FBXL19: variants seen among roughly 807,000 people sequenced by gnomAD.
FBXL19 encodes F-box and leucine rich repeat protein 19, also known as F-box/LRR-repeat protein 19.
FBXL19 carries 16 observed loss-of-function variants against 71.2 expected under a neutral mutation model. That is an observed-to-expected ratio of 0.22 (90% confidence interval 0.15 to 0.34). The LOEUF is 0.34. Ranked by LOEUF, FBXL19 falls within the 10% of genes least tolerant of loss-of-function variation. The pLI is 1.00. For synonymous variants in FBXL19, 447 were observed against 409.4 expected, an observed-to-expected ratio of 1.09 and a Z score of -1.11; for missense variants, 658 against 968.2, an observed-to-expected ratio of 0.68 and a Z score of 4.25.
Position 30,930,028 on chromosome 16 carries a change from A to G in FBXL19, c.790-45A>G, listed in dbSNP as rs1332028982. 6.4e-7 allele frequency: 1 copy of G among 1,572,984 alleles called. No homozygotes were observed. Among genetic ancestry groups the G allele is most frequent in the Admixed American group, 1.8e-5 (1 of 56,888 alleles). On this transcript the variant is annotated intron_variant, in intron 6 of 10. Coordinates refer to ENST00000338343, the MANE Select transcript of FBXL19 (RefSeq NM_001382779.1). This position sits in a 1 kb window ranked among gnomAD's most constrained non-coding sequence, Gnocchi z 8.5. ...CTCCTCGGGGTAGGGGGGTGGGAAA[A>G]TGTATCCCAGGCCCTAGAACAGCAT...
Position 30,946,124 on chromosome 16 carries a change from C to T in FBXL19, c.1628-606C>T, listed in dbSNP as rs1328835317. Among the ~76,000 whole-genome samples the T allele has an allele frequency of 6.6e-6, 1 of 152,102 alleles. No individual in the cohort carries two copies. On this transcript the variant is annotated intron_variant, in intron 9 of 10. Transcript: ENST00000338343. The surrounding 1 kb of genome is among the most constrained non-coding windows in gnomAD (Gnocchi z 6.7). ...GGGGAAGCCTCACGTAGCTTTTACT[C>T]TTGATGGAACGTGAAGGAATCGGCA...
Position 30,947,237 on chromosome 16 carries a change from GC to G in FBXL19, c.*13del, listed in dbSNP as rs756410790. Reference sequence around the variant, plus strand: ...GCTTCTCAAGGACAGCTAGTTGGGCGCCCCCCACCCTCCCCCGGACTCGACA... The same window carrying G: ...GCTTCTCAAGGACAGCTAGTTGGGCGCCCCCACCCTCCCCCGGACTCGACA... On this transcript the variant is annotated 3_prime_UTR_variant, in exon 11 of 11. Transcript: ENST00000338343. The G allele has an allele frequency of 1.1e-5, 17 of 1,568,442 alleles. No individual in the cohort carries two copies. The Admixed American group carries it at 1.7e-4, about 16-fold the overall frequency.
chr16:30,928,717 C>T (rs1431025049), intron 6 of FBXL19, 89 bp downstream of exon 6: 2 of 999,592 alleles, frequency 2.0e-6, no homozygotes, highest in South Asian at 2.2e-5. Context: ...TCCTGCTCAC[C>T]TTGTTCTGCC....
At chr16:30,940,033 G>C (rs756117703) in intron 7 of FBXL19, among the ~76,000 whole-genome samples, 1 of 152,118 alleles carries the variant, frequency 6.6e-6, no homozygotes, top group Admixed American at 6.6e-5. Context: ...AAAGTGGGCA[G>C]ATCACCTGAG....
rs1344867968 is a variant in FBXL19 at position 30,942,362 on chromosome 16, C to T, written c.1466-13C>T. On this transcript the variant is annotated splice_polypyrimidine_tract_variant and intron_variant, in intron 8 of 10. Coordinates refer to ENST00000338343, the MANE Select transcript of FBXL19 (RefSeq NM_001382779.1). The surrounding 1 kb of genome is among the most constrained non-coding windows in gnomAD (Gnocchi z 5.7). ...CTCACAGCACCTGCTTCCTGACTGC[C>T]CCCTCTCCGCAGGCCTGCAGGAGCT... is the stretch of plus-strand genomic sequence containing the variant. The T allele has an allele frequency of 1.9e-6, 3 of 1,607,258 alleles. No homozygotes were observed. In the African/African-American group the frequency reaches 4.0e-5, roughly 21 times the overall value.
At chr16:30,936,100 T>C (rs1340094816) in intron 7 of FBXL19, among the ~76,000 whole-genome samples, 2 of 152,198 alleles carry the variant, frequency 1.3e-5, no homozygotes, top group Non-Finnish European at 2.9e-5. Flanking sequence ...GGAAGCGCTG[T>C]TCTTCACCCC....
chr16:30,947,820 G>T lies in FBXL19; in HGVS notation c.*590G>T, dbSNP rs1414122670. The T allele has an allele frequency of 2.2e-5, 10 of 446,182 alleles. No homozygotes were observed. The East Asian group carries it at 2.9e-4, about 13-fold the overall frequency. 27.6% of individuals were successfully genotyped at this position (446,182 alleles called of 1,614,324 possible). On this transcript the variant is annotated 3_prime_UTR_variant, in exon 11 of 11. Transcript: ENST00000338343. ...TGGGGACAGCAATACCCCCTTGGGG[G>T]TCACCTCTCTGCTTCCCCCCTCCCC...
chr16:30,931,887 C>T (rs972835398), intron 7 of FBXL19, among the ~76,000 whole-genome samples: 1 of 150,678 alleles, frequency 6.6e-6, no homozygotes, highest in African/African-American at 2.4e-5. Context: ...CCACCACACC[C>T]GGCTAATTTT....
rs1036783517 is a variant in FBXL19, at chr16:30,923,850, G to A, written c.-634G>A. ...GGCTGGGGGGGGCGGGGCCGGAGCA[G>A]CTTCCTTCACCTCCCCCTCCGCTCG... On this transcript the variant is annotated 5_prime_UTR_variant, in exon 1 of 11. Transcript: ENST00000338343. Among the ~76,000 whole-genome samples the A allele has an allele frequency of 3.3e-5, 5 of 151,292 alleles. No homozygotes were observed. The highest frequency in any genetic ancestry group is 7.4e-5 in the Non-Finnish European group (5 of 67,602).
At chr16:30,929,343 G>A (rs754111985) in intron 6 of FBXL19, among the ~76,000 whole-genome samples, 1 of 152,142 alleles carries the variant, frequency 6.6e-6, no homozygotes, top group African/African-American at 2.4e-5. Flanking sequence ...CAGCCGATGC[G>A]GGGTGCTGCT....
chr16:30,936,984 G>A lies in FBXL19; in HGVS notation c.1302-5132G>A, dbSNP rs376259392. ...TCTTGAACTCCTGACCTCGTGATCC[G>A]CCCTCCTTGGCCTCCCAAAGTGCTG... On this transcript the variant is annotated intron_variant, in intron 7 of 10. Coordinates refer to ENST00000338343, the MANE Select transcript of FBXL19 (RefSeq NM_001382779.1). 5.3e-4 allele frequency among the ~76,000 whole-genome samples: 79 copies of A among 150,470 alleles called. 2 individuals are homozygous for A. The South Asian group carries it at 0.016, about 31-fold the overall frequency.
rs2055585400 is a variant in FBXL19 at position 30,925,926 on chromosome 16, A to G, written c.172A>G (p.Thr58Ala). 1.3e-6 allele frequency: 2 copies of G among 1,489,232 alleles called. No individual in the cohort carries two copies. Among genetic ancestry groups the G allele is most frequent in the Non-Finnish European group, 8.9e-7 (1 of 1,125,540 alleles). The allele number at this position is 1,489,232 out of a possible 1,614,324, so 92.3% of individuals were successfully genotyped here. A position where few individuals can be genotyped will look rare whatever the true frequency, so the allele number is the denominator to read the frequency against. Reference protein sequence around the residue: ...MKQSCLLRQCTAPVLPHTAVC... With the variant: ...MKQSCLLRQCAAPVLPHTAVC... ...GCAGTCGTGCCTGCTCCGGCAGTGC[A>G]CTGCCGTGAGTTCTGCCCCCACCTT... Residue 58 changes from threonine to alanine, a missense_variant, in exon 2 of 11, where the codon ACT (threonine) becomes GCT (alanine). This residue lies in a region of FBXL19 where 447 missense variants were observed against 515.4 expected (regional missense o/e 0.87). Coordinates refer to ENST00000338343, the MANE Select transcript of FBXL19 (RefSeq NM_001382779.1). This position sits in a 1 kb window ranked among gnomAD's most constrained non-coding sequence, Gnocchi z 5.0.
chr16:30,927,624 T>C lies in FBXL19; in HGVS notation c.373T>C (p.Cys125Arg). The change falls in exon 4 of 11, where the codon TGC becomes CGC. Residue 125 changes from cysteine to arginine, a missense_variant. Coordinates refer to ENST00000338343, the MANE Select transcript of FBXL19 (RefSeq NM_001382779.1). ...INAEIPNCWE[C>R]PRCTQEGRTS... ...TGCAGAGATCCCCAACTGCTGGGAGTGCCCTCGCTGCACCCAGGAAGGCCG... is the reference window on the plus strand; with the variant it reads ...TGCAGAGATCCCCAACTGCTGGGAGCGCCCTCGCTGCACCCAGGAAGGCCG... 1 of 1,564,394 alleles carries C rather than the reference T, an allele frequency of 6.4e-7. No individual in the cohort carries two copies. Among genetic ancestry groups the C allele is most frequent in the Non-Finnish European group, 8.7e-7 (1 of 1,154,624 alleles).
At chr16:30,938,227 C>T (rs1488497260) in intron 7 of FBXL19, among the ~76,000 whole-genome samples, 1 of 151,978 alleles carries the variant, frequency 6.6e-6, no homozygotes, top group Non-Finnish European at 1.5e-5. Flanking sequence ...TAAAACGTCA[C>T]ACCAGGGCTG....
chr16:30,934,531 G>A (rs985142397), intron 7 of FBXL19, among the ~76,000 whole-genome samples: 6 of 151,942 alleles, frequency 3.9e-5, no homozygotes, highest in African/African-American at 7.3e-5. Flanking sequence ...GGTGGTGGGC[G>A]CCTGTAATTC....
intron 7 of FBXL19, among the ~76,000 whole-genome samples, chr16:30,933,383 C>T (rs2143341467): frequency 6.6e-6 from 1 of 152,212 alleles, no homozygotes; most frequent in South Asian, 2.1e-4. Context: ...AGGTGATTCA[C>T]CCACCTTGGC....
At chr16:30,931,403 C>T (rs973476085) in intron 7 of FBXL19, among the ~76,000 whole-genome samples, 2 of 152,152 alleles carry the variant, frequency 1.3e-5, no homozygotes, top group Non-Finnish European at 1.5e-5. Context: ...GTCCCTAGCA[C>T]GGGACAAAGG....
At position 30,928,641 on chromosome 16, in the gene FBXL19, C is replaced by A; in HGVS notation, c.789+13C>A. On this transcript the variant is annotated intron_variant, in intron 6 of 10. Transcript: ENST00000338343. The stretch of plus-strand genomic sequence containing the variant: ...CGAGAACTGGGAGGTGTGCCGGGGA[C>A]CTCCTCCCTCCCCTTCCCACCTTCC... 2 of 1,529,466 alleles carry A rather than the reference C, an allele frequency of 1.3e-6. No individual in the cohort carries two copies. Among genetic ancestry groups the A allele is most frequent in the Non-Finnish European group, 1.8e-6 (2 of 1,137,264 alleles). The allele number at this position is 1,529,466 out of a possible 1,614,324, so 94.7% of individuals were successfully genotyped here.
At chr16:30,923,418 A>G (rs2143291814), upstream of FBXL19, 1 of 348,878 alleles carries the variant, frequency 2.9e-6, no homozygotes, top group African/African-American at 2.2e-5. Flanking sequence ...CAGGACTACA[A>G]CTCCCGTCGA....
Sources: gnomAD v4.1 joint callset for allele counts (sites outside exome capture counted in the v4.1 genomes callset) on GRCh38, gnomAD v4.1.1 for gene constraint, gnomAD v4.1.1 regional missense constraint, Gnocchi (gnomAD v3.1) non-coding constraint, MANE v1.5 for transcripts, NCBI Gene and HGNC (gene_info 2026-07-23, HGNC 2026-07-21) for gene names.